Variants in TPO observed in about 807,000 individuals in gnomAD.
The protein encoded by TPO is thyroid peroxidase.
TPO carries 78 observed loss-of-function variants against 96.9 expected under a neutral mutation model. That is an observed-to-expected ratio of 0.81 (90% CI 0.67 to 0.97). The LOEUF (loss-of-function observed/expected upper bound fraction) is 0.97. Ranked by LOEUF, TPO falls within the 50% of genes least tolerant of loss-of-function variation. The probability of loss-of-function intolerance (pLI) is 0.00; values close to 1 mark genes in which losing one functional copy is unlikely to be tolerated. For missense variants in TPO, 1,252 were observed against 1,274.8 expected, an observed-to-expected ratio of 0.98 and a Z score of 0.27; for synonymous variants, 547 against 538.0, an observed-to-expected ratio of 1.02 and a Z score of -0.23.
chr2:1,396,972 A>G (rs1358093367), intron 1 of TPO, among the ~76,000 whole-genome samples: 1 of 152,186 alleles, frequency 6.6e-6, no homozygotes, highest in Non-Finnish European at 1.5e-5. Context: ...ACTTGTTTTC[A>G]ATGTATTCAA....
chr2:1,504,076 G>A lies in TPO; in HGVS notation c.2515G>A (p.Val839Ile), dbSNP rs146351101. The change falls in exon 14 of 17, where the codon GTA becomes ATA. Residue 839 changes from valine (V) to isoleucine (I), a missense_variant. Val to Ile is a conservative substitution (Grantham distance 29). Transcript: ENST00000329066. ...YELGDDGRTCVDSGRLPRVTW... is the reference protein window; with the variant it reads ...YELGDDGRTCIDSGRLPRVTW... ...GTTAGGAGACGATGGGAGAACCTGC[G>A]TAGGTGAGGCTGTTCCCCTCTCTCT... The A allele has an allele frequency of 7.1e-5, 115 of 1,613,992 alleles. 1 individual carries two copies. Among genetic ancestry groups the A allele is most frequent in the South Asian group, 3.1e-4 (28 of 91,094 alleles).
intron 1 of TPO, among the ~76,000 whole-genome samples, chr2:1,377,903 C>A (rs1250645664): frequency 6.6e-6 from 1 of 152,186 alleles, no homozygotes; most frequent in Non-Finnish European, 1.5e-5. Context: ...CCACCCAAAT[C>A]TCATCTTGAA....
chr2:1,542,936 GC>G lies in TPO; in HGVS notation c.*463del, dbSNP rs1680910679. ...CTGGGAAGAGCACTCCTGGCTTCCT[GC>G]AGGGCCGGTGGGAGGAGGAAAGTGA... is the stretch of plus-strand genomic sequence containing the variant. On this transcript the variant is annotated 3_prime_UTR_variant, in exon 17 of 17. Coordinates refer to ENST00000329066, the MANE Select transcript of TPO (RefSeq NM_001206744.2). 4.1e-6 allele frequency: 1 copy of G among 246,274 alleles called. No individual in the cohort carries two copies. Among genetic ancestry groups the G allele is most frequent in the Admixed American group, 5.1e-5 (1 of 19,724 alleles). 15.3% of individuals were successfully genotyped at this position (246,274 alleles called of 1,614,324 possible). A position where few individuals can be genotyped will look rare whatever the true frequency, so the allele number is the denominator to read the frequency against.
chr2:1,492,650 C>A (rs11687944), intron 10 of TPO, among the ~76,000 whole-genome samples: 98 of 152,238 alleles, frequency 6.4e-4, no homozygotes, highest in African/African-American at 2.3e-3. Context: ...CATGAGACAC[C>A]AAGAGGCCCA....
intron 7 of TPO, among the ~76,000 whole-genome samples, chr2:1,457,631 T>G (rs917635242): frequency 1.3e-5 from 2 of 152,074 alleles, no homozygotes; most frequent in Non-Finnish European, 2.9e-5. Context: ...GGCAGATGTG[T>G]ACATAGCATG....
chr2:1,465,382 G>C (rs1668807082), intron 7 of TPO, among the ~76,000 whole-genome samples: 3 of 152,130 alleles, frequency 2.0e-5, no homozygotes, highest in Admixed American at 2.0e-4. Flanking sequence ...GGCTATGCAG[G>C]CTCTTTTTTG....
At chr2:1,415,036 C>T (rs574596009) in intron 2 of TPO, among the ~76,000 whole-genome samples, 2 of 152,384 alleles carry the variant, frequency 1.3e-5, no homozygotes, top group Non-Finnish European at 2.9e-5. Flanking sequence ...CCGCTGGCCC[C>T]GGGAGCAGGT....
At chr2:1,484,104 C>G (rs1033600511) in intron 8 of TPO, among the ~76,000 whole-genome samples, 1 of 152,342 alleles carries the variant, frequency 6.6e-6, no homozygotes, top group Non-Finnish European at 1.5e-5. Context: ...CATAATTCTC[C>G]TGGGACCATG....
chr2:1,496,395 CT>C (rs763763632), intron 12 of TPO, among the ~76,000 whole-genome samples, 198 bp downstream of exon 12: 3 of 152,072 alleles, frequency 2.0e-5, no homozygotes, highest in Non-Finnish European at 4.4e-5. Context: ...AACTGGAGGC[CT>C]AGAGAAAGGG....
intron 7 of TPO, among the ~76,000 whole-genome samples, chr2:1,469,263 AG>A (rs1228356180): frequency 6.6e-6 from 1 of 152,060 alleles, no homozygotes; most frequent in Non-Finnish European, 1.5e-5. Context: ...GTGTGATTTT[AG>A]GGGGTGTTAA....
rs1426604214 is a variant in TPO at position 1,496,018 on chromosome 2, C to T, written c.2036C>T (p.Thr679Met). Residue 679 changes from threonine (T) to methionine (M), a missense_variant, in exon 12 of 17, where the codon ACG (threonine) becomes ATG (methionine). Physicochemically the swap from Thr to Met is moderately conservative, Grantham distance 81. Transcript: ENST00000329066. ...WFWWENSHVF[T>M]DAQRRELEKH... The stretch of plus-strand genomic sequence containing the variant: ...TGGTGGGAGAACAGCCACGTCTTCA[C>T]GGATGCACAGAGGCGTGAGCTGGAG... 3.7e-6 allele frequency: 6 copies of T among 1,613,376 alleles called. No homozygotes were observed. The highest frequency in any genetic ancestry group is 2.2e-5 in the East Asian group (1 of 44,880).
rs1478009585 is a variant in TPO at position 1,496,120 on chromosome 2, A to G, written c.2138A>G (p.Lys713Arg). 5 of 1,613,986 alleles carry G rather than the reference A, an allele frequency of 3.1e-6. No individual in the cohort carries two copies. The highest frequency in any genetic ancestry group is 1.3e-5 in the African/African-American group (1 of 74,918). ...CCCATGGATGCCTTCCAAGTCGGCA[A>G]ATTCCCCGAAGACTTTGAGTCTTGT... is the stretch of plus-strand genomic sequence containing the variant. ...RVPMDAFQVGKFPEDFESCDS... is the reference protein window; with the variant it reads ...RVPMDAFQVGRFPEDFESCDS... The change falls in exon 12 of 17, where the codon AAA (lysine) becomes AGA (arginine). Residue 713 changes from lysine to arginine, a missense_variant. Transcript: ENST00000329066.
intron 1 of TPO, among the ~76,000 whole-genome samples, chr2:1,404,837 A>G (rs1309991586): frequency 2.0e-5 from 3 of 152,216 alleles, no homozygotes; most frequent in African/African-American, 7.2e-5. Context: ...ATTTATCACA[A>G]AAAGTAAGGT....
chr2:1,534,657 C>T (rs1430330834), intron 15 of TPO, among the ~76,000 whole-genome samples: 3 of 123,392 alleles, frequency 2.4e-5, no homozygotes, highest in African/African-American at 3.1e-5. Context: ...TGCAATGTCC[C>T]CAAATACCCC....
intron 14 of TPO, among the ~76,000 whole-genome samples, chr2:1,516,541 C>T (rs1008715094): frequency 5.3e-5 from 8 of 152,214 alleles, no homozygotes; most frequent in Non-Finnish European, 8.8e-5. Flanking sequence ...GTCCTGTGGT[C>T]CACTCCGAGG....
At chr2:1,378,768 G>A (rs1347061892) in intron 1 of TPO, among the ~76,000 whole-genome samples, 1 of 152,208 alleles carries the variant, frequency 6.6e-6, no homozygotes, top group East Asian at 1.9e-4. Flanking sequence ...CTGGCGGGGG[G>A]TTCGTGCCTG....
At chr2:1,503,667 G>GC in intron 13 of TPO, 1 of 614,028 alleles carries the variant, frequency 1.6e-6, no homozygotes, top group Non-Finnish European at 3.1e-6. Flanking sequence ...GGCAGACCCT[G>GC]ATTTCCTCCA....
Position 1,531,686 on chromosome 2 carries a change from GCCCACTCTTTGCAACCTCGCCAAATCCCC to G in TPO, c.2619-8899_2619-8871del, listed in dbSNP as rs1678286496. Among the ~76,000 whole-genome samples, 3 of 35,742 alleles carry G rather than the reference GCCCACTCTTTGCAACCTCGCCAAATCCCC, an allele frequency of 8.4e-5. 1 individual carries two copies. The highest frequency in any genetic ancestry group is 2.2e-4 in the African/African-American group (2 of 9,220). 23.4% of individuals were successfully genotyped at this position (35,742 alleles called of 152,430 possible). A position where few individuals can be genotyped will look rare whatever the true frequency, so the allele number is the denominator to read the frequency against. ...ACTGTGTGCAATCTCCCCAAATCCCGCCCACTCTTTGCAACCTCGCCAAATCCCCCCCACTCTCTGCAACCTCCCCAAAT... is the reference window on the plus strand; with the variant it reads ...ACTGTGTGCAATCTCCCCAAATCCCGCCCACTCTCTGCAACCTCCCCAAAT... On this transcript the variant is annotated intron_variant, in intron 15 of 16. Coordinates refer to ENST00000329066, the MANE Select transcript of TPO (RefSeq NM_001206744.2).
intron 1 of TPO, among the ~76,000 whole-genome samples, chr2:1,390,008 T>G (rs1388146450): frequency 6.7e-6 from 1 of 148,988 alleles, no homozygotes; most frequent in African/African-American, 2.5e-5. Flanking sequence ...AAGTGGTTAT[T>G]TCTTTCTTTT....
Sources: gnomAD v4.1 joint callset for allele counts (sites outside exome capture counted in the v4.1 genomes callset) on GRCh38, gnomAD v4.1.1 for gene constraint, MANE v1.5 for transcripts, NCBI Gene and HGNC (gene_info 2026-07-23, HGNC 2026-07-21) for gene names.